The following DSCAM variants were observed in gnomAD, a reference collection of about 807,000 sequenced individuals.
DSCAM encodes the protein DS cell adhesion molecule.
Under a neutral mutation model 217.7 loss-of-function variants are expected in DSCAM, and 47 were observed. The ratio of observed to expected loss-of-function variants is 0.22; its 90% CI spans 0.17 to 0.28. The LOEUF is 0.28. Among genes scored for constraint, DSCAM ranks in the 10% least tolerant of loss-of-function variants. The pLI, the probability that DSCAM is intolerant of heterozygous loss-of-function variation, is 1.00. For missense variants in DSCAM, 2,080 were observed against 2,618.3 expected (o/e 0.79, Z 4.49); for synonymous variants, 1,056 against 1,015.3 (o/e 1.04, Z -0.76).
chr21:40,682,651 AGGG>A (rs2090417702), intron 3 of DSCAM, among the ~76,000 whole-genome samples: 1 of 54,088 alleles, frequency 1.8e-5, no homozygotes, highest in Non-Finnish European at 3.9e-5. Flanking sequence ...GAGGAAGGGA[AGGG>A]AAGGGAGCGG....
intron 4 of DSCAM, among the ~76,000 whole-genome samples, chr21:40,361,364 T>C (rs1279201492): frequency 6.6e-6 from 1 of 152,170 alleles, no homozygotes; most frequent in East Asian, 1.9e-4. Flanking sequence ...CTCACGCCTG[T>C]AATCCCAGCA....
At chr21:40,489,801 A>AAAAAAAAG (rs2076061607) in intron 3 of DSCAM, among the ~76,000 whole-genome samples, 1 of 149,844 alleles carries the variant, frequency 6.7e-6, no homozygotes, top group Non-Finnish European at 1.5e-5. Flanking sequence ...AAAAAAAAAA[A>AAAAAAAAG]TAAGTACCAT....
chr21:40,686,416 C>T (rs2090478990), intron 3 of DSCAM, among the ~76,000 whole-genome samples: 1 of 151,914 alleles, frequency 6.6e-6, no homozygotes, highest in African/African-American at 2.4e-5. Flanking sequence ...CACGTATGCA[C>T]ACACCACACC....
At chr21:40,455,271 A>G (rs2075754161) in intron 3 of DSCAM, among the ~76,000 whole-genome samples, 1 of 152,244 alleles carries the variant, frequency 6.6e-6, no homozygotes, top group Admixed American at 6.5e-5. Flanking sequence ...ATGTATGGTC[A>G]TGAATGAAAA....
intron 32 of DSCAM, among the ~76,000 whole-genome samples, chr21:40,019,221 G>T (rs2088219324): frequency 6.6e-6 from 1 of 152,218 alleles, no homozygotes. Flanking sequence ...GATCCAGAAA[G>T]AGACACATGA....
intron 14 of DSCAM, among the ~76,000 whole-genome samples, chr21:40,184,500 A>C (rs755938040): frequency 6.6e-6 from 1 of 152,104 alleles, no homozygotes; most frequent in Non-Finnish European, 1.5e-5. Flanking sequence ...TAAACATCTT[A>C]GCCACACCAC....
At chr21:40,017,683 C>T (rs1159181122) in intron 32 of DSCAM, among the ~76,000 whole-genome samples, 12 of 151,964 alleles carry the variant, frequency 7.9e-5, no homozygotes, top group Admixed American at 4.6e-4. Context: ...TCCTGAGTAG[C>T]TGGGATTACA....
chr21:40,194,562 G>A (rs2090987408), intron 11 of DSCAM, among the ~76,000 whole-genome samples: 1 of 152,186 alleles, frequency 6.6e-6, no homozygotes, highest in Admixed American at 6.5e-5. Flanking sequence ...GTTGTGTGCT[G>A]CGTGCCTCTC....
chr21:40,359,680 C>T (rs1033638957), intron 4 of DSCAM, among the ~76,000 whole-genome samples: 1 of 152,138 alleles, frequency 6.6e-6, no homozygotes, highest in Non-Finnish European at 1.5e-5. Context: ...AACATGGGTG[C>T]TGCATGAAAG....
At chr21:40,509,101 G>T (rs1214331516) in intron 3 of DSCAM, among the ~76,000 whole-genome samples, 1 of 151,936 alleles carries the variant, frequency 6.6e-6, no homozygotes, top group African/African-American at 2.4e-5. Flanking sequence ...GTACAAAATT[G>T]CAACTTGTGC....
At chr21:40,580,219 C>G (rs902609443) in intron 3 of DSCAM, among the ~76,000 whole-genome samples, 3 of 151,618 alleles carry the variant, frequency 2.0e-5, no homozygotes, top group African/African-American at 7.3e-5. Context: ...GTAGCTGGGA[C>G]TACATTAAAT....
At chr21:40,078,645 C>T (rs1411885476) in intron 26 of DSCAM, 42 bp downstream of exon 26, 6 of 1,592,354 alleles carry the variant, frequency 3.8e-6, no homozygotes, top group Admixed American at 1.7e-5. Flanking sequence ...GTGCACATCC[C>T]CCAAGACACA....
intron 11 of DSCAM, among the ~76,000 whole-genome samples, chr21:40,245,767 T>G (rs1353537999): frequency 6.6e-6 from 1 of 152,308 alleles, no homozygotes; most frequent in Non-Finnish European, 1.5e-5. Flanking sequence ...GTGCTTTTCA[T>G]TATTCTGAAA....
chr21:40,612,421 G>A (rs972148300), intron 3 of DSCAM, among the ~76,000 whole-genome samples: 1 of 152,128 alleles, frequency 6.6e-6, no homozygotes, highest in South Asian at 2.1e-4. Context: ...GATAGCATGT[G>A]GATGGGACAC....
chr21:40,425,259 C>T (rs997688738), intron 3 of DSCAM, among the ~76,000 whole-genome samples: 4 of 151,454 alleles, frequency 2.6e-5, no homozygotes, highest in Admixed American at 2.6e-4. Context: ...GGCATGGTGG[C>T]TCATGCCTGT....
At chr21:40,651,904 T>C (rs1420545164) in intron 3 of DSCAM, among the ~76,000 whole-genome samples, 5 of 152,208 alleles carry the variant, frequency 3.3e-5, no homozygotes, top group Non-Finnish European at 5.9e-5. Context: ...TGGTGACTTC[T>C]GGGAAAGGAT....
intron 3 of DSCAM, among the ~76,000 whole-genome samples, chr21:40,620,007 GAAAAA>G (rs1203705210): frequency 0.032 from 2,573 of 81,412 alleles, 143 homozygotes; most frequent in East Asian, 0.083. Context: ...GAAAGAGAGA[GAAAAA>G]AGAAAAAGAA....
chr21:40,196,438 A>T (rs773974768), intron 11 of DSCAM, among the ~76,000 whole-genome samples: 3 of 152,154 alleles, frequency 2.0e-5, no homozygotes, highest in Admixed American at 6.5e-5. Context: ...ACGTTGGCTC[A>T]GAGTCCCTGG....
At chr21:40,415,625 C>G (rs2075363748) in intron 3 of DSCAM, among the ~76,000 whole-genome samples, 1 of 152,200 alleles carries the variant, frequency 6.6e-6, no homozygotes, top group South Asian at 2.1e-4. Context: ...GGAAGTTGCC[C>G]TGGCCCTGGA....
Sources: gnomAD v4.1 joint callset for allele counts (sites outside exome capture counted in the v4.1 genomes callset) on GRCh38, gnomAD v4.1.1 for gene constraint, MANE v1.5 for transcripts, NCBI Gene and HGNC (gene_info 2026-07-23, HGNC 2026-07-21) for gene names.